Variants in MMP26 observed in about 807,000 individuals in gnomAD.
The protein encoded by MMP26 is matrix metallopeptidase 26.
Under a neutral mutation model 31.0 loss-of-function variants are expected in MMP26, and 33 were observed. The ratio of observed to expected loss-of-function variants is 1.06; its 90% confidence interval spans 0.81 to 1.42. The LOEUF (loss-of-function observed/expected upper bound fraction) is 1.42. Ranked by LOEUF, MMP26 falls within the 40% of genes most tolerant of loss-of-function variation. The probability of loss-of-function intolerance (pLI) is 0.00; values close to 1 mark genes in which losing one functional copy is unlikely to be tolerated. For synonymous variants in MMP26, 122 were observed against 114.9 expected (o/e 1.06, Z -0.40); for missense variants, 347 against 316.1 (o/e 1.10, Z -0.74).
chr11:4,866,678 A>C (rs572747487), intron 2 of MMP26, among the ~76,000 whole-genome samples: 25 of 152,320 alleles, frequency 1.6e-4, no homozygotes, highest in Admixed American at 1.4e-3. Context: ...ACCTGACTTC[A>C]AACTATATTA....
intron 2 of MMP26, chr11:4,859,904 C>A (rs1320312013): frequency 2.1e-6 from 1 of 471,070 alleles, no homozygotes; most frequent in African/African-American, 2.0e-5. Context: ...AGGGTGAGTA[C>A]ATAAGACAGT....
intron 1 of MMP26, among the ~76,000 whole-genome samples, chr11:4,734,968 A>G (rs976167627): frequency 2.6e-5 from 4 of 152,152 alleles, no homozygotes; most frequent in Admixed American, 6.5e-5. Flanking sequence ...GGCTGGGTGG[A>G]TGAAGGGAGT....
At chr11:4,806,824 G>T (rs1202470806) in intron 2 of MMP26, among the ~76,000 whole-genome samples, 1 of 151,974 alleles carries the variant, frequency 6.6e-6, no homozygotes, top group Non-Finnish European at 1.5e-5. Flanking sequence ...CTATATCCGG[G>T]GTCCACCTAT....
chr11:4,754,408 T>C (rs1848482424), intron 1 of MMP26, among the ~76,000 whole-genome samples: 1 of 151,988 alleles, frequency 6.6e-6, no homozygotes, highest in Admixed American at 6.6e-5. Context: ...TTCAGGATTG[T>C]CCATGTATTA....
At chr11:4,932,402 G>A (rs1395462543) in intron 2 of MMP26, among the ~76,000 whole-genome samples, 1 of 152,082 alleles carries the variant, frequency 6.6e-6, no homozygotes, top group Non-Finnish European at 1.5e-5. Context: ...AAGACTAGAA[G>A]GTTCTATCCT....
At chr11:4,823,786 A>G (rs1849544239) in intron 2 of MMP26, among the ~76,000 whole-genome samples, 1 of 152,170 alleles carries the variant, frequency 6.6e-6, no homozygotes, top group South Asian at 2.1e-4. Flanking sequence ...TGCTAAGTAT[A>G]TTATCCTCAA....
Position 4,732,431 on chromosome 11 carries a change from T to C in MMP26, c.-217+27386T>C, listed in dbSNP as rs527769866. 2.6e-5 allele frequency among the ~76,000 whole-genome samples: 4 copies of C among 152,076 alleles called. No individual in the cohort carries two copies. The East Asian group carries it at 7.7e-4, about 29-fold the overall frequency. On this transcript the variant is annotated intron_variant, in intron 1 of 7. Coordinates refer to ENST00000380390, the MANE Select transcript of MMP26 (RefSeq NM_021801.5). ...GTGATACAATTCACATACATACAAT[T>C]CATTCATTTAAAATGTAAAAATTAA...
intron 2 of MMP26, among the ~76,000 whole-genome samples, chr11:4,885,872 A>G (rs1016572909): frequency 6.6e-6 from 1 of 152,092 alleles, no homozygotes; most frequent in South Asian, 2.1e-4. Flanking sequence ...GCCTGTTGCC[A>G]TTCCTTTACA....
chr11:4,849,054 G>C (rs35918613), intron 2 of MMP26: 186,983 of 1,613,912 alleles, frequency 0.12, 12,343 homozygotes, highest in Middle Eastern at 0.14. Flanking sequence ...CCAGAGGATG[G>C]TGCCATTTCC....
intron 2 of MMP26, among the ~76,000 whole-genome samples, chr11:4,901,125 T>G (rs1014039432): frequency 6.8e-6 from 1 of 146,338 alleles, no homozygotes; most frequent in African/African-American, 2.5e-5. Context: ...CTAACATCAG[T>G]GGACTTCGCA....
At chr11:4,905,240 C>A (rs1162820300) in intron 2 of MMP26, among the ~76,000 whole-genome samples, 1 of 152,056 alleles carries the variant, frequency 6.6e-6, no homozygotes, top group Non-Finnish European at 1.5e-5. Flanking sequence ...ATTATACTTA[C>A]CCTGGGTTTT....
At chr11:4,785,408 A>G (rs1786261415) in intron 2 of MMP26, among the ~76,000 whole-genome samples, 1 of 152,108 alleles carries the variant, frequency 6.6e-6, no homozygotes, top group African/African-American at 2.4e-5. Flanking sequence ...ACAGATAATT[A>G]ATGACTATTC....
At chr11:4,940,091 T>A (rs1177418275) in intron 2 of MMP26, among the ~76,000 whole-genome samples, 1 of 151,692 alleles carries the variant, frequency 6.6e-6, no homozygotes, top group Non-Finnish European at 1.5e-5. Flanking sequence ...TATTATTATA[T>A]TTAACTTGTA....
At chr11:4,896,239 A>G (rs1211748059) in intron 2 of MMP26, among the ~76,000 whole-genome samples, 2 of 152,154 alleles carry the variant, frequency 1.3e-5, no homozygotes, top group African/African-American at 2.4e-5. Flanking sequence ...CCATTTAATT[A>G]CATAGAAAAA....
chr11:4,895,959 A>G (rs1453739100), intron 2 of MMP26, among the ~76,000 whole-genome samples: 1 of 152,168 alleles, frequency 6.6e-6, no homozygotes, highest in Non-Finnish European at 1.5e-5. Context: ...TAAAATTTTC[A>G]CAACTTCTCC....
chr11:4,898,358 T>G (rs2133555900), intron 2 of MMP26, among the ~76,000 whole-genome samples: 1 of 152,216 alleles, frequency 6.6e-6, no homozygotes, highest in African/African-American at 2.4e-5. Flanking sequence ...TTTCTTTGGT[T>G]TTCAGGATTT....
At chr11:4,792,364 C>G (rs774795542) in intron 2 of MMP26, among the ~76,000 whole-genome samples, 4 of 152,122 alleles carry the variant, frequency 2.6e-5, no homozygotes, top group Non-Finnish European at 2.9e-5. Flanking sequence ...ACAAAACACC[C>G]TATCGCCCTC....
At chr11:4,891,849 G>A (rs1480347841) in intron 2 of MMP26, among the ~76,000 whole-genome samples, 1 of 152,144 alleles carries the variant, frequency 6.6e-6, no homozygotes, top group Non-Finnish European at 1.5e-5. Context: ...GACATAGTAT[G>A]TCACAGATGA....
intron 2 of MMP26, among the ~76,000 whole-genome samples, chr11:4,865,716 T>G (rs1037057349): frequency 2.6e-5 from 4 of 152,090 alleles, no homozygotes; most frequent in Non-Finnish European, 4.4e-5. Context: ...GCAGTTGTGC[T>G]GCCAGACAAT....
Sources: gnomAD v4.1 joint callset for allele counts (sites outside exome capture counted in the v4.1 genomes callset) on GRCh38, gnomAD v4.1.1 for gene constraint, MANE v1.5 for transcripts, NCBI Gene and HGNC (gene_info 2026-07-23, HGNC 2026-07-21) for gene names.